The following SCARF2 variants were observed in gnomAD, a reference collection of about 807,000 sequenced individuals.
SCARF2 encodes scavenger receptor expressed by endothelial cells 2 protein.
In SCARF2, 39 loss-of-function variants were observed where a neutral mutation model predicts 73.4. The ratio of observed to expected loss-of-function variants is 0.53; its 90% CI spans 0.41 to 0.69. The LOEUF (loss-of-function observed/expected upper bound fraction) is 0.69. SCARF2 is among the 30% of genes least tolerant of loss of function. The pLI is 0.00. For synonymous variants in SCARF2, 605 were observed against 590.0 expected (o/e 1.03, Z -0.37); for missense variants, 1,148 against 1,303.5 (o/e 0.88, Z 1.84).
In SCARF2 at chr22:20,429,752, C is replaced by T. The variant is rs746526068; in HGVS notation, c.1284G>A (p.Pro428=). ...ACSCHEDTCD[P]VTGACHLETN... is the part of the protein sequence containing the mutation. ...TACCTAGGTGGCAGGCACCAGTGAC[C>T]GGGTCGCACGTGTCCTCGTGGCAGC... The change falls in exon 7 of 11, where the codon CCG becomes CCA. Residue 428 remains proline (P), a synonymous_variant. Coordinates refer to ENST00000622235, the MANE Select transcript of SCARF2 (RefSeq NM_182895.5). The surrounding 1 kb of genome is among the most constrained non-coding windows in gnomAD (Gnocchi z 5.2). The T allele has an allele frequency of 3.1e-6, 5 of 1,613,752 alleles. No homozygotes were observed. The highest frequency in any genetic ancestry group is 3.3e-4 in the Middle Eastern group (2 of 6,062).
rs2052591753 is a variant in SCARF2 at position 20,427,436 on chromosome 22, G to C, written c.1655C>G (p.Thr552Ser). 1 of 1,614,110 alleles carries C rather than the reference G, an allele frequency of 6.2e-7. No homozygotes were observed. The highest frequency in any genetic ancestry group is 1.7e-5 in the Admixed American group (1 of 60,006). ...ACAGTACACAGGGCCTTCATCAGTG[G>C]TGTCAAACGAGGAGAAGGAGGCCCG... is the stretch of plus-strand genomic sequence containing the variant. ...SSRASFSSFD[T>S]TDEGPVYCVP... The change falls in exon 10 of 11, where the codon ACC becomes AGC. Residue 552 changes from threonine to serine, a missense_variant. By Grantham distance (58) the Thr-to-Ser change is moderately conservative. Transcript: ENST00000622235.
At chr22:20,433,945 C>T (rs2052672465) in intron 1 of SCARF2, among the ~76,000 whole-genome samples, 1 of 152,242 alleles carries the variant, frequency 6.6e-6, no homozygotes, top group African/African-American at 2.4e-5. Flanking sequence ...GCCCCGGAAG[C>T]ACTAACCCCC....
At chr22:20,434,301 GAGAT>G (rs2052675896) in intron 1 of SCARF2, among the ~76,000 whole-genome samples, 2 of 152,144 alleles carry the variant, frequency 1.3e-5, no homozygotes, top group African/African-American at 4.8e-5. Flanking sequence ...CTCAAAAAGA[GAGAT>G]AGAGATAGGA....
intron 1 of SCARF2, among the ~76,000 whole-genome samples, chr22:20,434,194 G>A (rs1341826506): frequency 1.3e-5 from 2 of 152,190 alleles, no homozygotes; most frequent in South Asian, 2.1e-4. Flanking sequence ...TCAGGAAGCT[G>A]AGGCAAGAGG....
chr22:20,426,304 G>C, intron 10 of SCARF2, 22 bp from the exon 11 acceptor site: 2 of 1,532,066 alleles, frequency 1.3e-6, no homozygotes, highest in Non-Finnish European at 1.7e-6. Flanking sequence ...AGAGCAGGGC[G>C]GTCACAGCCT....
chr22:20,427,602 G>A, intron 9 of SCARF2, 52 bp from the exon 10 acceptor site: 1 of 1,598,576 alleles, frequency 6.3e-7, no homozygotes, highest in Non-Finnish European at 8.5e-7. Context: ...CCCAGCCGGT[G>A]CCCTCATTAG....
intron 3 of SCARF2, 42 bp downstream of exon 3, chr22:20,431,703 A>G: frequency 1.1e-6 from 1 of 869,784 alleles, no homozygotes; most frequent in South Asian, 1.4e-5. Context: ...TCTCTCCAGG[A>G]TTCCGCCCCA....
Position 20,426,262 on chromosome 22 carries a change from C to T in SCARF2, c.1714G>A (p.Asp572Asn), listed in dbSNP as rs1601294803. 6.5e-7 allele frequency: 1 copy of T among 1,534,826 alleles called. No individual in the cohort carries two copies. Among genetic ancestry groups the T allele is most frequent in the African/African-American group, 1.4e-5 (1 of 73,226 alleles). ...PHEEAPAESR[D>N]PEVPTVPAEA... is the part of the protein sequence containing the mutation. ...GCAGGGACAGTGGGGACTTCGGGGT[C>T]CCGGCTCTCCGCTGGTGCCTCTGGC... The change falls in exon 11 of 11, where the codon GAC becomes AAC. Residue 572 changes from aspartate to asparagine, a missense_variant. By Grantham distance (23) the Asp-to-Asn change is conservative. Coordinates refer to ENST00000622235, the MANE Select transcript of SCARF2 (RefSeq NM_182895.5).
At chr22:20,433,843 C>G (rs9622744) in intron 1 of SCARF2, among the ~76,000 whole-genome samples, 10,206 of 152,352 alleles carry the variant, frequency 0.067, 375 homozygotes, top group South Asian at 0.12. Context: ...CACCCACCCA[C>G]TTGTGTCTGC....
chr22:20,431,057 G>C lies in SCARF2; in HGVS notation c.815C>G (p.Pro272Arg), dbSNP rs758198518. 6.4e-7 allele frequency: 1 copy of C among 1,560,000 alleles called. No individual in the cohort carries two copies. The highest frequency in any genetic ancestry group is 8.6e-7 in the Non-Finnish European group (1 of 1,160,830). The change falls in exon 4 of 11, where the codon CCG (proline) becomes CGG (arginine). Residue 272 changes from proline (P) to arginine (R), a missense_variant. Physicochemically the swap from Pro to Arg is moderately radical, Grantham distance 103. This residue lies in a region of SCARF2 where 372 missense variants were observed against 532.0 expected (regional missense o/e 0.70). Coordinates refer to ENST00000622235, the MANE Select transcript of SCARF2 (RefSeq NM_182895.5). ...PGYRGKYCREPCPAGFYGLGC... is the reference protein window; with the variant it reads ...PGYRGKYCRERCPAGFYGLGC... ...CAAGCCGTAGAAGCCGGCGGGGCAC[G>C]GCTCGCGACAGTACTTGCCGCGGTA...
chr22:20,432,133 G>A lies in SCARF2; in HGVS notation c.174-145C>T, dbSNP rs368783357. The A allele has an allele frequency of 7.0e-6, 6 of 851,084 alleles. No individual in the cohort carries two copies. The East Asian group carries it at 8.0e-5, about 11-fold the overall frequency. 52.7% of individuals were successfully genotyped at this position (851,084 alleles called of 1,614,324 possible). A position where few individuals can be genotyped will look rare whatever the true frequency, so the allele number is the denominator to read the frequency against. ...GGGGTGGTTAATGAGGTCCTGCCAG[G>A]CAGTCGTCTGGCGGTGGAGGATTGC... On this transcript the variant is annotated intron_variant, in intron 1 of 10. Coordinates refer to ENST00000622235, the MANE Select transcript of SCARF2 (RefSeq NM_182895.5).
chr22:20,429,104 C>A lies in SCARF2; in HGVS notation c.1540+121G>T. On this transcript the variant is annotated intron_variant, in intron 9 of 10. Transcript: ENST00000622235. The surrounding 1 kb of genome is among the most constrained non-coding windows in gnomAD (Gnocchi z 5.2). ...CTGGTCGCACCTCCTCGCGCCCACG[C>A]ACATCAACACTCAAGGTCCCCCATT... is the stretch of plus-strand genomic sequence containing the variant. The A allele has an allele frequency of 1.5e-6, 2 of 1,341,866 alleles. No homozygotes were observed. Among genetic ancestry groups the A allele is most frequent in the Non-Finnish European group, 2.1e-6 (2 of 944,264 alleles). The allele number at this position is 1,341,866 out of a possible 1,614,324, so 83.1% of individuals were successfully genotyped here.
Position 20,431,339 on chromosome 22 carries a change from C to T in SCARF2, c.533G>A (p.Gly178Asp). ...GACRCEPGWW[G>D]AQCASACYCS... ...GTAGCACGCGCTGGCGCACTGCGCG[C>T]CCCACCAGCCGGGCTCACAGCGGCA... The change falls in exon 4 of 11, where the codon GGC (glycine) becomes GAC (aspartate). Residue 178 changes from glycine (G) to aspartate (D), a missense_variant. Gly to Asp is a moderately conservative substitution (Grantham distance 94). Around this residue, in one of 5 missense-constraint regions of SCARF2, gnomAD observed 372 missense variants for 532.0 expected, o/e 0.70. Transcript: ENST00000622235. The T allele has an allele frequency of 6.6e-7, 1 of 1,507,174 alleles. No homozygotes were observed. Among genetic ancestry groups the T allele is most frequent in the Non-Finnish European group, 8.8e-7 (1 of 1,135,944 alleles). The allele number at this position is 1,507,174 out of a possible 1,614,324, so 93.4% of individuals were successfully genotyped here.
intron 3 of SCARF2, 83 bp downstream of exon 3, chr22:20,431,662 C>T: frequency 6.5e-7 from 1 of 1,533,146 alleles, no homozygotes; most frequent in Non-Finnish European, 8.8e-7. Context: ...GAAGGCGGAT[C>T]CGACCCCGCC....
chr22:20,425,553 G>A lies in SCARF2; in HGVS notation c.2423C>T (p.Pro808Leu). The change falls in exon 11 of 11, where the codon CCG becomes CTG. Residue 808 changes from proline (P) to leucine (L), a missense_variant. Transcript: ENST00000622235. This position sits in a 1 kb window ranked among gnomAD's most constrained non-coding sequence, Gnocchi z 4.6. Reference protein sequence around the residue: ...APPQKAKRSVPPASPARAPPA... With the variant: ...APPQKAKRSVLPASPARAPPA... Reference sequence around the variant, plus strand: ...GGGCGCGCGGGCGGGCGAGGCTGGCGGCACGGAGCGCTTGGCTTTCTGTGG... The same window carrying A: ...GGGCGCGCGGGCGGGCGAGGCTGGCAGCACGGAGCGCTTGGCTTTCTGTGG... 7.5e-7 allele frequency: 1 copy of A among 1,340,692 alleles called. No homozygotes were observed. Among genetic ancestry groups the A allele is most frequent in the Non-Finnish European group, 9.5e-7 (1 of 1,049,802 alleles). The allele number at this position is 1,340,692 out of a possible 1,614,324, so 83.0% of individuals were successfully genotyped here.
Position 20,429,416 on chromosome 22 carries a change from A to C in SCARF2, c.1425-76T>G. The C allele has an allele frequency of 6.4e-7, 1 of 1,556,970 alleles. No individual in the cohort carries two copies. The highest frequency in any genetic ancestry group is 1.2e-5 in the South Asian group (1 of 86,052). On this transcript the variant is annotated intron_variant, in intron 8 of 10. Coordinates refer to ENST00000622235, the MANE Select transcript of SCARF2 (RefSeq NM_182895.5). This position sits in a 1 kb window ranked among gnomAD's most constrained non-coding sequence, Gnocchi z 5.2. ...GGCGATTAGATCTCGGCCGGAGCCA[A>C]GCACAGAAGGGGCGGGGCCACGTCC...
Position 20,437,793 on chromosome 22 carries a change from TGCGGCCGCAGCGAGA to T in SCARF2, c.-54_-40del, listed in dbSNP as rs1435249810. ...GGCGCGGGGCGGGCACGGGCGCGGG[TGCGGCCGCAGCGAGA>T]GCGGCCGGAAGCGGAGTGCGAGGCC... is the stretch of plus-strand genomic sequence containing the variant. On this transcript the variant is annotated 5_prime_UTR_variant, in exon 1 of 11. Transcript: ENST00000622235. 4.6e-6 allele frequency: 4 copies of T among 870,232 alleles called. No individual in the cohort carries two copies. The highest frequency in any genetic ancestry group is 5.5e-6 in the Non-Finnish European group (4 of 727,308). 53.9% of individuals were successfully genotyped at this position (870,232 alleles called of 1,614,324 possible). A position where few individuals can be genotyped will look rare whatever the true frequency, so the allele number is the denominator to read the frequency against.
At position 20,425,435 on chromosome 22, in the gene SCARF2, C is replaced by T. The variant is rs902199900; in HGVS notation, c.2541G>A (p.Pro847=). 2.1e-6 allele frequency: 3 copies of T among 1,428,288 alleles called. No homozygotes were observed. The highest frequency in any genetic ancestry group is 2.8e-6 in the Non-Finnish European group (3 of 1,088,814). The allele number at this position is 1,428,288 out of a possible 1,614,324, so 88.5% of individuals were successfully genotyped here. A position where few individuals can be genotyped will look rare whatever the true frequency, so the allele number is the denominator to read the frequency against. Residue 847 remains proline (P), a synonymous_variant, in exon 11 of 11, where the codon CCG becomes CCA. Transcript: ENST00000622235. The surrounding 1 kb of genome is among the most constrained non-coding windows in gnomAD (Gnocchi z 4.6). The part of the protein sequence containing the change: ...PRKKTPIQKP[P]RKKSREAAGE... ...CCGCCGCCTCCCGGCTCTTCTTGCGCGGCGGCTTCTGGATGGGGGTCTTCT... is the reference window on the plus strand; with the variant it reads ...CCGCCGCCTCCCGGCTCTTCTTGCGTGGCGGCTTCTGGATGGGGGTCTTCT...
At chr22:20,432,698 G>C (rs1307200016) in intron 1 of SCARF2, among the ~76,000 whole-genome samples, 1 of 152,192 alleles carries the variant, frequency 6.6e-6, no homozygotes, top group Non-Finnish European at 1.5e-5. Flanking sequence ...GGAGGAAGGA[G>C]CTATTAGAGC....
Sources: gnomAD v4.1 joint callset for allele counts (sites outside exome capture counted in the v4.1 genomes callset) on GRCh38, gnomAD v4.1.1 for gene constraint, gnomAD v4.1.1 regional missense constraint, Gnocchi (gnomAD v3.1) non-coding constraint, MANE v1.5 for transcripts, NCBI Gene and HGNC (gene_info 2026-07-23, HGNC 2026-07-21) for gene names.